The following CSMD1 variants were observed in gnomAD, a reference collection of about 807,000 sequenced individuals.
CSMD1 encodes CUB and Sushi multiple domains 1, also known as CUB and sushi domain-containing protein 1.
Under a neutral mutation model 417.5 loss-of-function variants are expected in CSMD1, and 213 were observed. The ratio of observed to expected loss-of-function variants is 0.51; its 90% CI spans 0.46 to 0.57. The LOEUF (loss-of-function observed/expected upper bound fraction) is 0.57, where lower values mean the gene tolerates loss of function less well. CSMD1 is among the 20% of genes least tolerant of loss of function. The pLI, the probability that CSMD1 is intolerant of heterozygous loss-of-function variation, is 0.00. For missense variants in CSMD1, 6,923 were observed against 4,529.7 expected, an observed-to-expected ratio of 1.53 and a Z score of -15.17; for synonymous variants, 2,862 against 1,736.8, an observed-to-expected ratio of 1.65 and a Z score of -16.11.
rs545722775 is a variant in CSMD1, at chr8:3,200,271, T to C, written c.5099-462A>G. On this transcript the variant is annotated intron_variant, in intron 32 of 69. Coordinates refer to ENST00000635120, the MANE Select transcript of CSMD1 (RefSeq NM_033225.6). Reference sequence around the variant, plus strand: ...TATTTTTAACCTTTAAAAGCACATATAGGCCAGGTGAGGTGGCTCACACCT... The same window carrying C: ...TATTTTTAACCTTTAAAAGCACATACAGGCCAGGTGAGGTGGCTCACACCT... Among the ~76,000 whole-genome samples the C allele has an allele frequency of 5.3e-5, 8 of 152,134 alleles. No homozygotes were observed. The East Asian group carries it at 1.2e-3, about 22-fold the overall frequency.
At chr8:4,700,606 C>T (rs951277040) in intron 1 of CSMD1, among the ~76,000 whole-genome samples, 1 of 151,978 alleles carries the variant, frequency 6.6e-6, no homozygotes, top group African/African-American at 2.4e-5. Context: ...AATTGGGTAT[C>T]ATTAACAGAA....
intron 5 of CSMD1, among the ~76,000 whole-genome samples, chr8:3,898,906 T>G (rs1275558542): frequency 6.6e-6 from 1 of 152,156 alleles, no homozygotes; most frequent in Non-Finnish European, 1.5e-5. Flanking sequence ...CATTTTAAAC[T>G]GTAGTGACTC....
intron 1 of CSMD1, among the ~76,000 whole-genome samples, chr8:4,820,048 C>T (rs1284001825): frequency 6.6e-6 from 1 of 152,194 alleles, no homozygotes; most frequent in African/African-American, 2.4e-5. Flanking sequence ...TCTTCCTGAA[C>T]CACAGCAGTC....
Position 4,247,706 on chromosome 8 carries a change from A to T in CSMD1, c.415+172247T>A, listed in dbSNP as rs549699393. On this transcript the variant is annotated intron_variant, in intron 3 of 69. Coordinates refer to ENST00000635120, the MANE Select transcript of CSMD1 (RefSeq NM_033225.6). The stretch of plus-strand genomic sequence containing the variant: ...TGAGCTTCTGCATTTTTATTTTGGT[A>T]CACATACTATAACGCCCTTTTGAAA... 3.3e-5 allele frequency among the ~76,000 whole-genome samples: 5 copies of T among 152,298 alleles called. No individual in the cohort carries two copies. In the South Asian group the frequency reaches 1.0e-3, roughly 32 times the overall value.
intron 7 of CSMD1, among the ~76,000 whole-genome samples, chr8:3,643,395 G>C (rs1250098009): frequency 6.6e-6 from 1 of 152,070 alleles, no homozygotes; most frequent in Non-Finnish European, 1.5e-5. Context: ...GAGTCCCTGA[G>C]TGCCTTATCA....
At chr8:3,927,707 T>C (rs1200866682) in intron 5 of CSMD1, among the ~76,000 whole-genome samples, 1 of 152,108 alleles carries the variant, frequency 6.6e-6, no homozygotes, top group East Asian at 1.9e-4. Flanking sequence ...ATTAATATTT[T>C]CTTTACCTTT....
chr8:4,419,569 C>G lies in CSMD1; in HGVS notation c.415+384G>C, dbSNP rs550773581. 3.9e-5 allele frequency among the ~76,000 whole-genome samples: 6 copies of G among 152,222 alleles called. No individual in the cohort carries two copies. In the South Asian group the frequency reaches 1.2e-3, roughly 32 times the overall value. ...ACAAAAGTTCATTTAATGAAATTTC[C>G]TTTACTCAAGCACTATCAGTATAAT... On this transcript the variant is annotated intron_variant, in intron 3 of 69. Transcript: ENST00000635120.
At chr8:4,201,540 C>CAAAAAAAAAAA (rs1157479482) in intron 3 of CSMD1, among the ~76,000 whole-genome samples, 5 of 59,030 alleles carry the variant, frequency 8.5e-5, no homozygotes, top group Admixed American at 3.0e-4. Context: ...TCTGTCTCCA[C>CAAAAAAAAAAA]AAAAAAAAAA....
chr8:3,703,471 C>G (rs1418802905), intron 7 of CSMD1, among the ~76,000 whole-genome samples: 6 of 150,232 alleles, frequency 4.0e-5, no homozygotes, highest in Non-Finnish European at 7.4e-5. Context: ...TTCATTCATT[C>G]ATTCATTCAT....
At chr8:4,348,980 A>T (rs1245647703) in intron 3 of CSMD1, among the ~76,000 whole-genome samples, 4 of 152,188 alleles carry the variant, frequency 2.6e-5, no homozygotes, top group African/African-American at 9.7e-5. Flanking sequence ...CATATGCAAA[A>T]ACAGGACAAA....
intron 1 of CSMD1, among the ~76,000 whole-genome samples, chr8:4,741,451 T>C (rs1419102043): frequency 2.6e-5 from 4 of 152,334 alleles, no homozygotes; most frequent in East Asian, 1.9e-4. Flanking sequence ...AATGTTGAAA[T>C]ATGTAATATT....
chr8:4,703,980 G>C (rs1034330090), intron 1 of CSMD1, among the ~76,000 whole-genome samples: 2 of 152,132 alleles, frequency 1.3e-5, no homozygotes. Context: ...GTTCACAGTA[G>C]GTTTCATGCT....
At chr8:4,348,300 C>T (rs1461316078) in intron 3 of CSMD1, among the ~76,000 whole-genome samples, 2 of 152,214 alleles carry the variant, frequency 1.3e-5, no homozygotes, top group African/African-American at 2.4e-5. Context: ...AAGGCATGTT[C>T]TGTGGATGCC....
chr8:4,608,760 T>C (rs1455548259), intron 2 of CSMD1, among the ~76,000 whole-genome samples: 1 of 152,218 alleles, frequency 6.6e-6, no homozygotes, highest in Admixed American at 6.5e-5. Context: ...TGAGTTCATA[T>C]GTTCAGGAGG....
intron 3 of CSMD1, among the ~76,000 whole-genome samples, chr8:4,267,489 G>C (rs1563361304): frequency 6.6e-6 from 1 of 151,418 alleles, no homozygotes; most frequent in African/African-American, 2.4e-5. Context: ...TAATATTAAA[G>C]TCTTCATATC....
At chr8:4,275,267 T>A (rs1396273711) in intron 3 of CSMD1, among the ~76,000 whole-genome samples, 3 of 152,170 alleles carry the variant, frequency 2.0e-5, no homozygotes, top group Non-Finnish European at 4.4e-5. Context: ...GAAAGCAATA[T>A]GACTTCTCTT....
intron 10 of CSMD1, among the ~76,000 whole-genome samples, chr8:3,538,233 A>G (rs1330244840): frequency 6.6e-6 from 1 of 152,252 alleles, no homozygotes; most frequent in South Asian, 2.1e-4. Context: ...CTGAGTAGCA[A>G]TGGCACACCT....
chr8:4,772,333 T>G (rs960648943), intron 1 of CSMD1, among the ~76,000 whole-genome samples: 1 of 152,210 alleles, frequency 6.6e-6, no homozygotes, highest in Non-Finnish European at 1.5e-5. Context: ...CTTCTATCCT[T>G]GCTTTTTTTC....
chr8:4,878,063 C>A (rs1484631593), intron 1 of CSMD1, among the ~76,000 whole-genome samples: 1 of 152,088 alleles, frequency 6.6e-6, no homozygotes, highest in Non-Finnish European at 1.5e-5. Context: ...TTAAGAATCT[C>A]TGTAAAATGA....
Sources: gnomAD v4.1 joint callset for allele counts (sites outside exome capture counted in the v4.1 genomes callset) on GRCh38, gnomAD v4.1.1 for gene constraint, MANE v1.5 for transcripts, NCBI Gene and HGNC (gene_info 2026-07-23, HGNC 2026-07-21) for gene names.